The following ZAN variants were observed in gnomAD, a reference collection of about 807,000 sequenced individuals.
ZAN encodes the protein zonadhesin.
ZAN carries 260 observed loss-of-function variants against 286.2 expected under a neutral mutation model. The ratio of observed to expected loss-of-function variants is 0.91; its 90% CI spans 0.82 to 1.01. The LOEUF is 1.01. Among genes scored for constraint, ZAN ranks in the 50% least tolerant of loss-of-function variants. ZAN has a pLI of 0.00. For synonymous variants in ZAN, 1,368 were observed against 1,417.5 expected (o/e 0.97, Z 0.79); for missense variants, 3,410 against 3,639.2 (o/e 0.94, Z 1.62).
intron 38 of ZAN, 117 bp from the exon 39 acceptor site, chr7:100,789,101 T>C (rs1478023712): frequency 1.4e-6 from 2 of 1,405,206 alleles, no homozygotes; most frequent in Admixed American, 2.6e-5. Context: ...GGGTATCTTA[T>C]TCCACTCTCT....
In ZAN at chr7:100,748,230, T is replaced by C. The variant is rs1808367852; in HGVS notation, c.1102+15T>C. On this transcript the variant is annotated intron_variant, in intron 10 of 47. Transcript: ENST00000613979. ...TCCTTGTGGGGGTGAGAGCAGGCCC[T>C]GAGAGGCCCGGATCTCTCAGAATCC... is the stretch of plus-strand genomic sequence containing the variant. 1.9e-6 allele frequency: 3 copies of C among 1,613,796 alleles called. No individual in the cohort carries two copies. Among genetic ancestry groups the C allele is most frequent in the Non-Finnish European group, 2.5e-6 (3 of 1,179,828 alleles).
rs776157900 is a variant in ZAN, at chr7:100,738,617, A to T, written c.766+4A>T. On this transcript the variant is annotated splice_donor_region_variant and intron_variant, in intron 7 of 47. Transcript: ENST00000613979. Reference sequence around the variant, plus strand: ...GGCGACTTCTCTAGCCCTGGTAGTGAGTAGCGGCCATGCTTCTGTCCCTTG... The same window carrying T: ...GGCGACTTCTCTAGCCCTGGTAGTGTGTAGCGGCCATGCTTCTGTCCCTTG... 1.3e-6 allele frequency: 2 copies of T among 1,515,488 alleles called. No individual in the cohort carries two copies. Among genetic ancestry groups the T allele is most frequent in the Non-Finnish European group, 1.8e-6 (2 of 1,103,756 alleles). The allele number at this position is 1,515,488 out of a possible 1,614,324, so 93.9% of individuals were successfully genotyped here.
chr7:100,792,487 A>G lies in ZAN; in HGVS notation c.7787+8A>G, dbSNP rs745631472. 3.7e-6 allele frequency: 6 copies of G among 1,613,690 alleles called. No individual in the cohort carries two copies. The East Asian group carries it at 6.7e-5, about 18-fold the overall frequency. On this transcript the variant is annotated splice_region_variant and intron_variant, in intron 42 of 47. Transcript: ENST00000613979. ...TTGCCAGGTCCTCAGTGGGTACGCC[A>G]TCCTCTGCCAGGAGGCGGGCGCTGC...
rs35803818 is a variant in ZAN, at chr7:100,767,467, G to GTTT, written c.4860+234_4860+236dup. ...CCCCTCCTGCTCCCAGTTTTTTGCC[G>GTTT]TTTTTTTTTTTTTTTTTTTTTTTTT... On this transcript the variant is annotated intron_variant, in intron 25 of 47. Coordinates refer to ENST00000613979, the MANE Select transcript of ZAN (RefSeq NM_003386.3). Among the ~76,000 whole-genome samples the GTTT allele has an allele frequency of 1.7e-3, 131 of 77,976 alleles. 17 individuals are homozygous for GTTT. Among genetic ancestry groups the GTTT allele is most frequent in the African/African-American group, 5.4e-3 (109 of 20,268 alleles). 51.2% of individuals were successfully genotyped at this position (77,976 alleles called of 152,430 possible). A position where few individuals can be genotyped will look rare whatever the true frequency, so the allele number is the denominator to read the frequency against.
chr7:100,770,325 A>G (rs578020485), intron 28 of ZAN, among the ~76,000 whole-genome samples: 67 of 151,844 alleles, frequency 4.4e-4, no homozygotes, highest in African/African-American at 1.6e-3. Flanking sequence ...TAGCATGGTG[A>G]AACCCCGTCT....
chr7:100,771,803 C>G, intron 28 of ZAN, 41 bp from the exon 29 acceptor site: 2 of 1,582,616 alleles, frequency 1.3e-6, no homozygotes, highest in Admixed American at 1.7e-5. Flanking sequence ...TGTTCCTTCC[C>G]GGCCCCTCCC....
In ZAN at chr7:100,735,716, CAAGGAAAGAG is replaced by C; in HGVS notation, c.54_63del (p.Arg18SerfsTer156). 2 of 1,506,880 alleles carry C rather than the reference CAAGGAAAGAG, an allele frequency of 1.3e-6. 1 individual carries two copies. 93.3% of individuals were successfully genotyped at this position (1,506,880 alleles called of 1,614,324 possible). ...ATTTTTGCTTTCTTCAAACGACCCC[CAAGGAAAGAG>C]AAGCCTCCGGACCAGAAGCTGGTTG... On this transcript the variant is annotated splice_acceptor_variant and splice_polypyrimidine_tract_variant and coding_sequence_variant and intron_variant, in exon 3 of 48. Coordinates refer to ENST00000613979, the MANE Select transcript of ZAN (RefSeq NM_003386.3). LOFTEE classifies it high-confidence loss of function.
chr7:100,744,107 TTTTC>T (rs1458659863), intron 7 of ZAN, among the ~76,000 whole-genome samples: 3 of 148,388 alleles, frequency 2.0e-5, no homozygotes, highest in Non-Finnish European at 4.5e-5. Context: ...CTTTATTTTA[TTTTC>T]TTTATTTGTA....
rs1812168235 is a variant in ZAN at position 100,793,920 on chromosome 7, C to T, written c.7888C>T (p.Arg2630Cys). 27 of 1,613,966 alleles carry T rather than the reference C, an allele frequency of 1.7e-5. No individual in the cohort carries two copies. The highest frequency in any genetic ancestry group is 4.5e-5 in the East Asian group (2 of 44,880). Residue 2630 changes from arginine (R) to cysteine (C), a missense_variant, in exon 43 of 48, where the codon CGT becomes TGT. Arg to Cys is a radical substitution (Grantham distance 180). Around this residue, in one of 7 missense-constraint regions of ZAN, gnomAD observed 1,289 missense variants for 1,314.3 expected, o/e 0.98. Transcript: ENST00000613979. Reference sequence around the variant, plus strand: ...ACCCCGGGGACTGCGAGGGCCCCTGCGTGGAAGGCTGCGCCAGCATCCCAG... The same window carrying T: ...ACCCCGGGGACTGCGAGGGCCCCTGTGTGGAAGGCTGCGCCAGCATCCCAG... ...GRPRGLRGPL[R>C]GRLRQHPRLC...
Position 100,738,515 on chromosome 7 carries a change from C to A in ZAN, c.668C>A (p.Thr223Asn). Residue 223 changes from threonine to asparagine, a missense_variant, in exon 7 of 48, where the codon ACC (threonine) becomes AAC (asparagine). Transcript: ENST00000613979. ...ATTCCAAATGACCTCTGTGACTGGA[C>A]CTGGATCCCAACTGCCTCCGGGGCC... ...FDIPNDLCDW[T>N]WIPTASGAKW... 6.7e-7 allele frequency: 1 copy of A among 1,496,774 alleles called. No individual in the cohort carries two copies. The highest frequency in any genetic ancestry group is 9.1e-7 in the Non-Finnish European group (1 of 1,093,614). 92.7% of individuals were successfully genotyped at this position (1,496,774 alleles called of 1,614,324 possible).
chr7:100,738,429 C>A, intron 6 of ZAN, 32 bp from the exon 7 acceptor site: 1 of 1,442,928 alleles, frequency 6.9e-7, no homozygotes, highest in Non-Finnish European at 9.4e-7. Flanking sequence ...AAGAAGAAAA[C>A]ATTATATCTT....
chr7:100,769,083 T>TTTTTG (rs148527571), intron 27 of ZAN, among the ~76,000 whole-genome samples: 30,615 of 151,286 alleles, frequency 0.2, 3,445 homozygotes, highest in East Asian at 0.27. Flanking sequence ...CCCTGTCCAC[T>TTTTTG]TTTTGTTTTG....
intron 18 of ZAN, 54 bp from the exon 19 acceptor site, chr7:100,760,337 G>C: frequency 2.5e-6 from 4 of 1,595,040 alleles, no homozygotes; most frequent in Non-Finnish European, 3.4e-6. Context: ...AGTCTGCTGG[G>C]GTCCTCCTTG....
In ZAN at chr7:100,773,749, C is replaced by T; in HGVS notation, c.5663C>T (p.Thr1888Ile). Reference protein sequence around the residue: ...PVGERWYTENTCTRLCTCSVH... With the variant: ...PVGERWYTENICTRLCTCSVH... ...GGGGAGCGCTGGTACACAGAGAACA[C>T]CTGCACCAGGCTCTGCACCTGCTCC... Residue 1888 changes from threonine (T) to isoleucine (I), a missense_variant, in exon 31 of 48, where the codon ACC (threonine) becomes ATC (isoleucine). This residue lies in a region of ZAN where 1,289 missense variants were observed against 1,314.3 expected (regional missense o/e 0.98). Transcript: ENST00000613979. 12 of 1,611,334 alleles carry T rather than the reference C, an allele frequency of 7.4e-6. No individual in the cohort carries two copies. Among genetic ancestry groups the T allele is most frequent in the Non-Finnish European group, 1.0e-5 (12 of 1,178,712 alleles).
At chr7:100,770,503 C>CAAAA (rs71126334) in intron 28 of ZAN, among the ~76,000 whole-genome samples, 26 of 93,600 alleles carry the variant, frequency 2.8e-4, no homozygotes, top group East Asian at 1.1e-3. Flanking sequence ...GACTCTGTCT[C>CAAAA]AAAAAAAAAA....
At chr7:100,785,325 G>C (rs570452801) in intron 36 of ZAN, among the ~76,000 whole-genome samples, 71 of 150,682 alleles carry the variant, frequency 4.7e-4, no homozygotes, top group Non-Finnish European at 8.8e-4. Context: ...CTGCCTCCTG[G>C]GTTCAAGCCA....
Position 100,776,516 on chromosome 7 carries a change from G to C in ZAN, c.6269G>C (p.Ser2090Thr), listed in dbSNP as rs764294960. The C allele has an allele frequency of 8.2e-6, 13 of 1,578,576 alleles. No homozygotes were observed. Among genetic ancestry groups the C allele is most frequent in the Admixed American group, 1.9e-5 (1 of 53,982 alleles). Residue 2090 changes from serine (S) to threonine (T), a missense_variant, in exon 34 of 48, where the codon AGT becomes ACT. Around this residue, in one of 7 missense-constraint regions of ZAN, gnomAD observed 1,289 missense variants for 1,314.3 expected, o/e 0.98. Coordinates refer to ENST00000613979, the MANE Select transcript of ZAN (RefSeq NM_003386.3). Reference protein sequence around the residue: ...LMMPSDEVANSDSEFVNSWKD... With the variant: ...LMMPSDEVANTDSEFVNSWKD... The stretch of plus-strand genomic sequence containing the variant: ...ATGCCCAGCGATGAAGTAGCAAATA[G>C]TGACAGTGAATTTGTGAACAGTTGG...
chr7:100,795,918 A>T (rs976281092), intron 45 of ZAN, among the ~76,000 whole-genome samples: 3 of 151,588 alleles, frequency 2.0e-5, no homozygotes, highest in South Asian at 2.1e-4. Flanking sequence ...AAAAAATAAA[A>T]AAATAAAAAA....
At chr7:100,767,320 C>G (rs541876162) in intron 25 of ZAN, 63 bp downstream of exon 25, 22 of 1,549,226 alleles carry the variant, frequency 1.4e-5, no homozygotes, top group Middle Eastern at 1.7e-4. Context: ...CTCTCCTGTG[C>G]CCCTCCTTGC....
Sources: gnomAD v4.1 joint callset for allele counts (sites outside exome capture counted in the v4.1 genomes callset) on GRCh38, gnomAD v4.1.1 for gene constraint, gnomAD v4.1.1 regional missense constraint, MANE v1.5 for transcripts, NCBI Gene and HGNC (gene_info 2026-07-23, HGNC 2026-07-21) for gene names.